The following ABCA1 variants were observed in gnomAD, a reference collection of about 807,000 sequenced individuals.
The protein encoded by ABCA1 is phospholipid-transporting ATPase ABCA1.
In ABCA1, 133 loss-of-function variants were observed where a neutral mutation model predicts 262.5. The observed-to-expected ratio is 0.51, with a 90% CI of 0.44 to 0.59. The LOEUF is 0.59. ABCA1 is among the 20% of genes least tolerant of loss of function. ABCA1 has a pLI of 0.00. For synonymous variants in ABCA1, 1,022 were observed against 1,043.5 expected, an observed-to-expected ratio of 0.98 and a Z score of 0.40; for missense variants, 2,452 against 2,777.5, an observed-to-expected ratio of 0.88 and a Z score of 2.63.
intron 22 of ABCA1, among the ~76,000 whole-genome samples, 178 bp from the exon 23 acceptor site, chr9:104,819,061 C>G (rs369242776): frequency 6.6e-6 from 1 of 152,184 alleles, no homozygotes; most frequent in Admixed American, 6.5e-5. Context: ...ATATAGGTAC[C>G]ACATCCTCAC....
chr9:104,829,522 A>G (rs1833074916), intron 14 of ABCA1, among the ~76,000 whole-genome samples: 1 of 152,230 alleles, frequency 6.6e-6, no homozygotes, highest in Non-Finnish European at 1.5e-5. Context: ...CGTAACTCTA[A>G]TCACACCACA....
chr9:104,857,597 T>G (rs1210190859), intron 7 of ABCA1, among the ~76,000 whole-genome samples: 10 of 152,160 alleles, frequency 6.6e-5, no homozygotes, highest in Non-Finnish European at 1.2e-4. Context: ...AAGGTCACAT[T>G]CTAGGGTATG....
At chr9:104,820,296 A>C (rs890359344) in intron 20 of ABCA1, among the ~76,000 whole-genome samples, 7 of 152,176 alleles carry the variant, frequency 4.6e-5, no homozygotes, top group African/African-American at 1.4e-4. Flanking sequence ...ATCGCTTCCA[A>C]CCTGTTTCCA....
chr9:104,819,704 T>C lies in ABCA1; in HGVS notation c.3123A>G (p.Leu1041=), dbSNP rs768024845. The C allele has an allele frequency of 1.2e-6, 2 of 1,614,144 alleles. No homozygotes were observed. Among genetic ancestry groups the C allele is most frequent in the South Asian group, 2.2e-5 (2 of 91,084 alleles). Residue 1041 remains leucine, a synonymous_variant, in exon 22 of 50, where the codon CTA becomes CTG. Transcript: ENST00000374736. ...CCCCGACAAAGGCCAAGGCCACAGA[T>C]AGCTTTCTCTGCATTCCACCTACAA... ...SQLSGGMQRK[L]SVALAFVGGS...
chr9:104,832,929 G>A lies in ABCA1; in HGVS notation c.1312-158C>T, dbSNP rs13306066. Reference sequence around the variant, plus strand: ...TCCCTATTTTATATGTGAGAAGACTGAGGCTGAAGAAAAAAAAACATGATT... The same window carrying A: ...TCCCTATTTTATATGTGAGAAGACTAAGGCTGAAGAAAAAAAAACATGATT... On this transcript the variant is annotated intron_variant, in intron 11 of 49. Transcript: ENST00000374736. Among the ~76,000 whole-genome samples the A allele has an allele frequency of 0.062, 9,377 of 152,086 alleles. 350 individuals are homozygous for A. The highest frequency in any genetic ancestry group is 0.13 in the Middle Eastern group (37 of 292).
chr9:104,819,255 C>T (rs114817285), intron 22 of ABCA1, among the ~76,000 whole-genome samples: 2,973 of 152,268 alleles, frequency 0.02, 110 homozygotes, highest in African/African-American at 0.068. Flanking sequence ...GAGTTGGCTC[C>T]AAGCCTGCCT....
At chr9:104,855,953 T>C (rs762554835) in intron 7 of ABCA1, 2 of 1,612,918 alleles carry the variant, frequency 1.2e-6, no homozygotes, top group East Asian at 4.5e-5. Flanking sequence ...AATTCCACTT[T>C]TGGTACAGAA....
intron 9 of ABCA1, 94 bp from the exon 10 acceptor site, chr9:104,837,661 A>C (rs1588358664): frequency 6.8e-7 from 1 of 1,461,468 alleles, no homozygotes; most frequent in Non-Finnish European, 9.4e-7. Flanking sequence ...CTTAGTTGAA[A>C]CCCCAGCTCT....
chr9:104,869,731 G>A (rs1837434028), intron 5 of ABCA1, among the ~76,000 whole-genome samples: 1 of 152,064 alleles, frequency 6.6e-6, no homozygotes. Flanking sequence ...TGTTCATCCC[G>A]GCCTGGGCTT....
Position 104,782,073 on chromosome 9 carries a change from C to T in ABCA1, c.*2242G>A, listed in dbSNP as rs1828578258. ...AATATGGCCTTGAAATCAGAGGAAC[C>T]GAAGTAAGGAGTTGCTCATAGATTT... On this transcript the variant is annotated 3_prime_UTR_variant, in exon 50 of 50. Coordinates refer to ENST00000374736, the MANE Select transcript of ABCA1 (RefSeq NM_005502.4). 6.6e-6 allele frequency: 1 copy of T among 151,856 alleles called. No homozygotes were observed. The highest frequency in any genetic ancestry group is 2.4e-5 in the African/African-American group (1 of 41,364). The allele number at this position is 151,856 out of a possible 1,614,324, so 9.4% of individuals were successfully genotyped here.
intron 13 of ABCA1, among the ~76,000 whole-genome samples, chr9:104,831,419 G>C (rs1451930429): frequency 6.6e-6 from 1 of 152,006 alleles, no homozygotes; most frequent in African/African-American, 2.4e-5. Context: ...TAAATCAAAA[G>C]ATACTGTTAT....
At chr9:104,829,828 G>T (rs139575234) in intron 14 of ABCA1, among the ~76,000 whole-genome samples, 277 of 151,928 alleles carry the variant, frequency 1.8e-3, no homozygotes, top group Non-Finnish European at 3.3e-3. Flanking sequence ...TGAAAAACAG[G>T]ATAATTTCTG....
At chr9:104,793,079 G>C in intron 41 of ABCA1, 92 bp downstream of exon 41, 2 of 1,594,478 alleles carry the variant, frequency 1.3e-6, no homozygotes, top group Non-Finnish European at 1.7e-6. Context: ...TTTGAGTTCA[G>C]TTCAATGCAA....
In ABCA1 at chr9:104,831,048, C is replaced by CA; in HGVS notation, c.1768dup (p.Trp590LeufsTer40). 2 of 1,613,732 alleles carry CA rather than the reference C, an allele frequency of 1.2e-6. No homozygotes were observed. Among genetic ancestry groups the CA allele is most frequent in the Non-Finnish European group, 1.7e-6 (2 of 1,179,954 alleles). On this transcript the variant is annotated frameshift_variant, in exon 14 of 50. Coordinates refer to ENST00000374736, the MANE Select transcript of ABCA1 (RefSeq NM_005502.4). LOFTEE classifies it high-confidence loss of function. Reference sequence around the variant, plus strand: ...ATCCTGCAAGTAGGCGAAGCCCCCCCAGACGTACCGCATGTCCTCAAAGGG... The same window carrying CA: ...ATCCTGCAAGTAGGCGAAGCCCCCCCAAGACGTACCGCATGTCCTCAAAGGG...
intron 2 of ABCA1, among the ~76,000 whole-genome samples, chr9:104,902,335 T>A (rs993283340): frequency 1.3e-5 from 2 of 152,196 alleles, no homozygotes; most frequent in Non-Finnish European, 2.9e-5. Context: ...CTCATGAGGA[T>A]GGAACAGGTG....
rs1278865992 is a variant in ABCA1, at chr9:104,858,639, T to A, written c.603A>T (p.Glu201Asp). 1.9e-6 allele frequency: 3 copies of A among 1,614,016 alleles called. No homozygotes were observed. The highest frequency in any genetic ancestry group is 2.5e-6 in the Non-Finnish European group (3 of 1,179,964). Residue 201 changes from glutamate to aspartate, a missense_variant, in exon 7 of 50, where the codon GAA (glutamate) becomes GAT (aspartate). Physicochemically the swap from Glu to Asp is conservative, Grantham distance 45. Coordinates refer to ENST00000374736, the MANE Select transcript of ABCA1 (RefSeq NM_005502.4). ...CTTGGTCACCAAGTTGAATCATCTC[T>A]TCTGATTTTGATCCATTGCACAGAC... is the stretch of plus-strand genomic sequence containing the variant. The part of the protein sequence containing the change: ...LTSLCNGSKS[E>D]EMIQLGDQEV...
At chr9:104,890,535 T>C (rs996089863) in intron 2 of ABCA1, among the ~76,000 whole-genome samples, 4 of 151,912 alleles carry the variant, frequency 2.6e-5, no homozygotes, top group Non-Finnish European at 5.9e-5. Flanking sequence ...GAGCTGAGAT[T>C]GTGCCACTGT....
chr9:104,855,857 A>T, intron 7 of ABCA1: 1 of 1,612,436 alleles, frequency 6.2e-7, no homozygotes, highest in Non-Finnish European at 8.5e-7. Context: ...GAGGCCCAGG[A>T]GAAACTCACA....
chr9:104,798,830 A>G (rs1043042545), intron 36 of ABCA1, among the ~76,000 whole-genome samples: 1 of 152,194 alleles, frequency 6.6e-6, no homozygotes, highest in African/African-American at 2.4e-5. Context: ...TACTGAGGTC[A>G]AAAGAGTCCA....
Sources: gnomAD v4.1 joint callset for allele counts (sites outside exome capture counted in the v4.1 genomes callset) on GRCh38, gnomAD v4.1.1 for gene constraint, MANE v1.5 for transcripts, NCBI Gene and HGNC (gene_info 2026-07-23, HGNC 2026-07-21) for gene names.